The following LARS2 variants were observed in gnomAD, a reference collection of about 807,000 sequenced individuals.
The protein encoded by LARS2 is leucine--tRNA ligase, mitochondrial.
In LARS2, 81 loss-of-function variants were observed where a neutral mutation model predicts 116.6. The ratio of observed to expected loss-of-function variants is 0.69; its 90% confidence interval spans 0.58 to 0.84. The LOEUF is 0.84. Ranked by LOEUF, LARS2 falls within the 40% of genes least tolerant of loss-of-function variation. LARS2 has a pLI of 0.00. For missense variants in LARS2, 968 were observed against 1,114.5 expected, an observed-to-expected ratio of 0.87 and a Z score of 1.87; for synonymous variants, 396 against 407.2, an observed-to-expected ratio of 0.97 and a Z score of 0.33.
intron 16 of LARS2, among the ~76,000 whole-genome samples, chr3:45,514,214 A>AAAG (rs1700337240): frequency 6.6e-6 from 1 of 152,120 alleles, no homozygotes; most frequent in Non-Finnish European, 1.5e-5. Flanking sequence ...TCAAAAAAAA[A>AAAG]AAAGAAAGAA....
chr3:45,516,154 G>A lies in LARS2; in HGVS notation c.1922G>A (p.Ser641Asn), dbSNP rs139067803. The change falls in exon 17 of 22, where the codon AGT (serine) becomes AAT (asparagine). Residue 641 changes from serine to asparagine, a missense_variant. By Grantham distance (46) the Ser-to-Asn change is conservative. Transcript: ENST00000645846. ...TTAGAGGTGACGTGGGAGAAGATGA[G>A]TAAGTCCAAACACAACGGGGTGGAC... Reference protein sequence around the residue: ...EKLEVTWEKMSKSKHNGVDPE... With the variant: ...EKLEVTWEKMNKSKHNGVDPE... 43 of 1,614,132 alleles carry A rather than the reference G, an allele frequency of 2.7e-5. No individual in the cohort carries two copies. In the African/African-American group the frequency reaches 5.1e-4, roughly 19 times the overall value.
chr3:45,526,405 C>T (rs538269312), intron 20 of LARS2, among the ~76,000 whole-genome samples: 58 of 152,200 alleles, frequency 3.8e-4, no homozygotes, highest in Admixed American at 9.2e-4. Context: ...TAAAGAAAGC[C>T]TGTGCTTGTG....
At chr3:45,439,627 T>TG (rs1015084828) in intron 6 of LARS2, among the ~76,000 whole-genome samples, 4 of 151,480 alleles carry the variant, frequency 2.6e-5, no homozygotes, top group East Asian at 1.9e-4. Flanking sequence ...TCTAACTGTT[T>TG]TTTTTTTTTT....
At chr3:45,493,168 C>G (rs925050172) in intron 13 of LARS2, among the ~76,000 whole-genome samples, 19 of 151,810 alleles carry the variant, frequency 1.3e-4, no homozygotes, top group Non-Finnish European at 1.6e-4. Context: ...GGTGCAATCT[C>G]GGCTCACTGC....
intron 6 of LARS2, among the ~76,000 whole-genome samples, chr3:45,426,062 A>G (rs1464859645): frequency 6.6e-6 from 1 of 151,928 alleles, no homozygotes; most frequent in African/African-American, 2.4e-5. Flanking sequence ...TTCTGCCTCA[A>G]TTTATTTTAA....
At chr3:45,513,004 G>T in intron 15 of LARS2, 131 bp from the exon 16 acceptor site, 1 of 690,150 alleles carries the variant, frequency 1.4e-6, no homozygotes, top group East Asian at 2.5e-5. Flanking sequence ...TTTATAAGTG[G>T]CCTTGGTCAG....
chr3:45,484,630 A>AAATATATATATATATATATATAT (rs1553634443), intron 10 of LARS2, among the ~76,000 whole-genome samples: 2 of 9,744 alleles, frequency 2.1e-4, no homozygotes, highest in Non-Finnish European at 6.3e-4. Flanking sequence ...AAAAAAAAAA[A>AAATATATATATATATATATATAT]ATATATATAT....
chr3:45,461,462 A>G (rs965386084), intron 8 of LARS2, among the ~76,000 whole-genome samples: 5 of 151,920 alleles, frequency 3.3e-5, no homozygotes, highest in Admixed American at 3.3e-4. Flanking sequence ...AAGGCTCAAG[A>G]TAGGGCTGGA....
At chr3:45,453,809 C>G (rs887238765) in intron 7 of LARS2, among the ~76,000 whole-genome samples, 3 of 152,010 alleles carry the variant, frequency 2.0e-5, no homozygotes, top group Non-Finnish European at 4.4e-5. Flanking sequence ...TTTTACTAGC[C>G]TTCTGGAACC....
intron 6 of LARS2, among the ~76,000 whole-genome samples, chr3:45,428,779 G>T (rs941406201): frequency 3.9e-5 from 6 of 152,214 alleles, no homozygotes; most frequent in African/African-American, 1.4e-4. Context: ...AAGGTTGAAA[G>T]AATAGTACAA....
Position 45,472,671 on chromosome 3 carries a change from C to T in LARS2, c.751-1572C>T, listed in dbSNP as rs536074514. Among the ~76,000 whole-genome samples, 3 of 152,276 alleles carry T rather than the reference C, an allele frequency of 2.0e-5. No homozygotes were observed. In the South Asian group the frequency reaches 6.2e-4, roughly 32 times the overall value. On this transcript the variant is annotated intron_variant, in intron 8 of 21. Transcript: ENST00000645846. ...GATATGGGAAAGCTGAATTTAAGAA[C>T]TGTTGTTATAAAGTAGTAATTGCAT... is the stretch of plus-strand genomic sequence containing the variant.
At chr3:45,463,473 A>AG (rs1390071759) in intron 8 of LARS2, among the ~76,000 whole-genome samples, 1 of 152,224 alleles carries the variant, frequency 6.6e-6, no homozygotes, top group Non-Finnish European at 1.5e-5. Flanking sequence ...ATCTCAGATC[A>AG]GGGCTCAGGC....
chr3:45,483,040 A>G (rs1699733362), intron 10 of LARS2, among the ~76,000 whole-genome samples: 1 of 152,188 alleles, frequency 6.6e-6, no homozygotes, highest in Non-Finnish European at 1.5e-5. Flanking sequence ...CCTAGCTGCA[A>G]GGGAGGCTGA....
intron 6 of LARS2, among the ~76,000 whole-genome samples, chr3:45,425,978 C>A (rs1698589350): frequency 1.3e-5 from 2 of 148,474 alleles, no homozygotes; most frequent in Non-Finnish European, 3.0e-5. Context: ...GCCTTCTCTT[C>A]CCACTGTCAT....
chr3:45,515,994 C>T, intron 16 of LARS2, 100 bp from the exon 17 acceptor site: 1 of 832,932 alleles, frequency 1.2e-6, no homozygotes, highest in Non-Finnish European at 1.9e-6. Flanking sequence ...TTCAAATGGA[C>T]ACTTTCCATC....
chr3:45,484,630 A>AAAAAATATATATATATATAT (rs1553634443), intron 10 of LARS2, among the ~76,000 whole-genome samples: 2 of 9,744 alleles, frequency 2.1e-4, no homozygotes, highest in Non-Finnish European at 3.2e-4. Context: ...AAAAAAAAAA[A>AAAAAATATATATATATATAT]ATATATATAT....
intron 11 of LARS2, among the ~76,000 whole-genome samples, 170 bp downstream of exon 11, chr3:45,485,966 A>G (rs1449044508): frequency 6.6e-6 from 1 of 151,854 alleles, no homozygotes; most frequent in Non-Finnish European, 1.5e-5. Context: ...TCAGAACTAC[A>G]TTTTGAAAAT....
At chr3:45,457,513 T>C (rs1699232532) in intron 7 of LARS2, among the ~76,000 whole-genome samples, 1 of 152,130 alleles carries the variant, frequency 6.6e-6, no homozygotes, top group African/African-American at 2.4e-5. Flanking sequence ...ATCTCATCTC[T>C]ACTAAAAATA....
chr3:45,489,863 G>T (rs1482148738), intron 12 of LARS2, among the ~76,000 whole-genome samples: 1 of 152,168 alleles, frequency 6.6e-6, no homozygotes, highest in Non-Finnish European at 1.5e-5. Context: ...ATTCTGATGT[G>T]CAGCAGAGTC....
Sources: gnomAD v4.1 joint callset for allele counts (sites outside exome capture counted in the v4.1 genomes callset) on GRCh38, gnomAD v4.1.1 for gene constraint, MANE v1.5 for transcripts, NCBI Gene and HGNC (gene_info 2026-07-23, HGNC 2026-07-21) for gene names.